The following SLC37A1 variants were observed in gnomAD, a reference collection of about 807,000 sequenced individuals.
SLC37A1 encodes the protein solute carrier family 37 member 1.
In SLC37A1, 49 loss-of-function variants were observed where a neutral mutation model predicts 75.3. The ratio of observed to expected loss-of-function variants is 0.65; its 90% CI spans 0.52 to 0.83. The LOEUF (loss-of-function observed/expected upper bound fraction) is 0.83, where lower values mean the gene tolerates loss of function less well. Ranked by LOEUF, SLC37A1 falls within the 40% of genes least tolerant of loss-of-function variation. SLC37A1 has a pLI of 0.00. For missense variants in SLC37A1, 566 were observed against 695.0 expected (o/e 0.81, Z 2.09); for synonymous variants, 268 against 292.1 (o/e 0.92, Z 0.84).
chr21:42,522,853 GC>G (rs1479965464), intron 2 of SLC37A1, among the ~76,000 whole-genome samples: 3 of 152,238 alleles, frequency 2.0e-5, no homozygotes, highest in Non-Finnish European at 4.4e-5. Flanking sequence ...GGCATGTGCT[GC>G]CCCTTGTGTG....
chr21:42,535,507 G>T lies in SLC37A1; in HGVS notation c.307G>T (p.Asp103Tyr). ...CTATCAGCAGCTGCTTGGGGCCCTG[G>T]ACTACTCCTTCCTGTGCGCCTATGC... The part of the protein sequence containing the change: ...NNYQQLLGAL[D>Y]YSFLCAYAVG... Residue 103 changes from aspartate to tyrosine, a missense_variant, in exon 5 of 20, where the codon GAC becomes TAC. Transcript: ENST00000352133. 1.2e-6 allele frequency: 2 copies of T among 1,614,194 alleles called. No individual in the cohort carries two copies. The highest frequency in any genetic ancestry group is 1.7e-6 in the Non-Finnish European group (2 of 1,180,036).
At chr21:42,530,805 C>T (rs1032532152) in intron 3 of SLC37A1, among the ~76,000 whole-genome samples, 8 of 152,148 alleles carry the variant, frequency 5.3e-5, no homozygotes, top group Non-Finnish European at 1.2e-4. Context: ...GCCTGATAAT[C>T]TCCTCTATTG....
rs897733010 is a variant in SLC37A1 at position 42,513,858 on chromosome 21, G to A, written c.-1038G>A. The A allele has an allele frequency of 6.8e-6, 1 of 146,210 alleles. No individual in the cohort carries two copies. The highest frequency in any genetic ancestry group is 2.5e-5 in the African/African-American group (1 of 40,666). The allele number at this position is 146,210 out of a possible 1,614,324, so 9.1% of individuals were successfully genotyped here. On this transcript the variant is annotated 5_prime_UTR_variant, in exon 1 of 20. Transcript: ENST00000352133. ...CTCCCGCGCGCCGCTCCAGGAAGTC[G>A]CGAGCAGGAAGCGCCCGCGGCGGCC...
chr21:42,501,449 G>T (rs769979953), intron 1 of SLC37A1, among the ~76,000 whole-genome samples: 1 of 152,192 alleles, frequency 6.6e-6, no homozygotes, highest in Non-Finnish European at 1.5e-5. Context: ...GGTGGCTCAC[G>T]CCTGTAATCC....
chr21:42,500,963 G>C (rs1480893693), intron 1 of SLC37A1, among the ~76,000 whole-genome samples: 1 of 152,210 alleles, frequency 6.6e-6, no homozygotes, highest in Non-Finnish European at 1.5e-5. Context: ...GAAATGTAAA[G>C]TATTTTTCAC....
chr21:42,570,390 C>T (rs1267732028), intron 17 of SLC37A1, among the ~76,000 whole-genome samples: 1 of 152,210 alleles, frequency 6.6e-6, no homozygotes, highest in Non-Finnish European at 1.5e-5. Context: ...CCAGACCAGC[C>T]TCGTCTCTGC....
chr21:42,544,025 G>C (rs1482323232), intron 8 of SLC37A1, among the ~76,000 whole-genome samples: 1 of 152,162 alleles, frequency 6.6e-6, no homozygotes, highest in Non-Finnish European at 1.5e-5. Context: ...TATCTTAACT[G>C]GGTAAAAAGT....
chr21:42,561,870 G>C (rs569390266), intron 11 of SLC37A1: 16 of 522,380 alleles, frequency 3.1e-5, no homozygotes, highest in African/African-American at 2.1e-4. Flanking sequence ...TGGTGCCCCT[G>C]CTCGGGGTGA....
intron 6 of SLC37A1, among the ~76,000 whole-genome samples, chr21:42,539,953 A>G (rs228066): frequency 1 from 152,330 of 152,330 alleles, 76,165 homozygotes; most frequent in Non-Finnish European, 1. Context: ...ATAAGTTTGA[A>G]ATGTTTTATC....
intron 3 of SLC37A1, among the ~76,000 whole-genome samples, chr21:42,528,841 A>G (rs982650547): frequency 6.6e-6 from 1 of 152,160 alleles, no homozygotes; most frequent in Non-Finnish European, 1.5e-5. Context: ...AAAAAATGAA[A>G]TAAAATAATC....
chr21:42,507,348 A>C (rs2054393158), intron 2 of SLC37A1, among the ~76,000 whole-genome samples: 1 of 152,230 alleles, frequency 6.6e-6, no homozygotes, highest in African/African-American at 2.4e-5. Flanking sequence ...TGATGGCCAC[A>C]GTGAGTGCTG....
At chr21:42,507,029 C>T (rs1158981089) in intron 2 of SLC37A1, among the ~76,000 whole-genome samples, 1 of 152,148 alleles carries the variant, frequency 6.6e-6, no homozygotes, top group Admixed American at 6.6e-5. Flanking sequence ...ATTACAGGCA[C>T]ATGCCACCAC....
At chr21:42,513,489 A>G (rs562244643), upstream of SLC37A1, among the ~76,000 whole-genome samples, 1 of 151,022 alleles carries the variant, frequency 6.6e-6, no homozygotes, top group South Asian at 2.1e-4. Flanking sequence ...GCGCGGCGGC[A>G]TGTGACCCTC....
chr21:42,559,313 C>G (rs992804178), intron 11 of SLC37A1, among the ~76,000 whole-genome samples: 3 of 135,020 alleles, frequency 2.2e-5, no homozygotes, highest in African/African-American at 8.7e-5. Context: ...TTTTGAAATT[C>G]GTTTTCTCCA....
chr21:42,557,512 TC>T (rs2055723015), intron 10 of SLC37A1, among the ~76,000 whole-genome samples: 1 of 152,272 alleles, frequency 6.6e-6, no homozygotes, highest in Non-Finnish European at 1.5e-5. Flanking sequence ...CTCAGCCTTG[TC>T]ATCTTCATTC....
Position 42,572,695 on chromosome 21 carries a change from T to TAAAAAAAAAAAAAAAAA in SLC37A1, c.1424-2123_1424-2122insAAAAAAAAAAAAAAAAA, listed in dbSNP as rs1421400961. On this transcript the variant is annotated intron_variant, in intron 17 of 19. Coordinates refer to ENST00000352133, the MANE Select transcript of SLC37A1 (RefSeq NM_001320537.2). The stretch of plus-strand genomic sequence containing the variant: ...ACACACACAAAAAAAAAAAAAAGAG[T>TAAAAAAAAAAAAAAAAA]GTGTCCTGAGGTTCAGCTTAGTCTT... 2.3e-5 allele frequency among the ~76,000 whole-genome samples: 3 copies of TAAAAAAAAAAAAAAAAA among 132,268 alleles called. 1 individual carries two copies. The highest frequency in any genetic ancestry group is 4.9e-5 in the Non-Finnish European group (3 of 60,876). The allele number at this position is 132,268 out of a possible 152,430, so 86.8% of individuals were successfully genotyped here.
At position 42,518,464 on chromosome 21, in the gene SLC37A1, C is replaced by T; in HGVS notation, c.10C>T (p.Leu4Phe). The change falls in exon 2 of 20, where the codon CTC (leucine) becomes TTC (phenylalanine). Residue 4 changes from leucine to phenylalanine, a missense_variant. Physicochemically the swap from Leu to Phe is conservative, Grantham distance 22. Coordinates refer to ENST00000352133, the MANE Select transcript of SLC37A1 (RefSeq NM_001320537.2). ...GTCAGTGGCGACGTAAATGGCTCGA[C>T]TCCCCGCTGGCATTCGCTTCATCAT... MAR[L>F]PAGIRFIISF... The T allele has an allele frequency of 1.2e-6, 2 of 1,614,178 alleles. No homozygotes were observed. The highest frequency in any genetic ancestry group is 1.7e-6 in the Non-Finnish European group (2 of 1,180,024).
At chr21:42,501,571 G>C (rs1291644848) in intron 1 of SLC37A1, among the ~76,000 whole-genome samples, 1 of 152,178 alleles carries the variant, frequency 6.6e-6, no homozygotes, top group African/African-American at 2.4e-5. Flanking sequence ...AATTAGCTGG[G>C]CATGGTGGCG....
At chr21:42,565,422 G>A (rs2055951026) in intron 14 of SLC37A1, among the ~76,000 whole-genome samples, 2 of 152,262 alleles carry the variant, frequency 1.3e-5, no homozygotes, top group Admixed American at 1.3e-4. Flanking sequence ...CACAGAACAT[G>A]AAAGAATGCT....
Sources: gnomAD v4.1 joint callset for allele counts (sites outside exome capture counted in the v4.1 genomes callset) on GRCh38, gnomAD v4.1.1 for gene constraint, MANE v1.5 for transcripts, NCBI Gene and HGNC (gene_info 2026-07-23, HGNC 2026-07-21) for gene names.